Variants in AMPD3 observed in about 807,000 individuals in gnomAD.
The protein encoded by AMPD3 is AMP deaminase 3.
Under a neutral mutation model 82.3 loss-of-function variants are expected in AMPD3, and 57 were observed. The ratio of observed to expected loss-of-function variants is 0.69; its 90% CI spans 0.56 to 0.86. The LOEUF (loss-of-function observed/expected upper bound fraction) is 0.86. AMPD3 is among the 40% of genes least tolerant of loss of function. AMPD3 has a pLI of 0.00. For synonymous variants in AMPD3, 381 were observed against 394.7 expected (o/e 0.97, Z 0.41); for missense variants, 870 against 1,003.8 (o/e 0.87, Z 1.80).
intron 13 of AMPD3, chr11:10,504,103 T>G: frequency 1.1e-6 from 1 of 911,940 alleles, no homozygotes; most frequent in Non-Finnish European, 1.3e-6. Flanking sequence ...TCTCTGCTTT[T>G]AGTACTTTAC....
intron 3 of AMPD3, among the ~76,000 whole-genome samples, chr11:10,480,718 G>T (rs1196183615): frequency 6.6e-6 from 1 of 152,098 alleles, no homozygotes; most frequent in East Asian, 1.9e-4. Flanking sequence ...AGCTCTAGAA[G>T]GTAGGTTATA....
Position 10,505,707 on chromosome 11 carries a change from G to A in AMPD3, c.2128-1G>A. 1.2e-6 allele frequency: 2 copies of A among 1,613,426 alleles called. No homozygotes were observed. The highest frequency in any genetic ancestry group is 1.7e-6 in the Non-Finnish European group (2 of 1,180,020). On this transcript the variant is annotated splice_acceptor_variant, in intron 14 of 14. Coordinates refer to ENST00000396553, the MANE Select transcript of AMPD3 (RefSeq NM_001025389.2). LOFTEE classifies it high-confidence loss of function. ...TCATTTGTATTTCTCTTGGTCCACA[G>A]GAAAAGCAAAAGTTTCTGGGACAAA...
chr11:10,452,862 A>G (rs1365728238), upstream of AMPD3, among the ~76,000 whole-genome samples: 1 of 152,246 alleles, frequency 6.6e-6, no homozygotes, highest in Non-Finnish European at 1.5e-5. Context: ...AAACCGAGCC[A>G]CAGAAAAGTT....
chr11:10,465,747 C>T (rs940735942), intron 2 of AMPD3, among the ~76,000 whole-genome samples: 12 of 152,160 alleles, frequency 7.9e-5, no homozygotes, highest in African/African-American at 2.9e-4. Context: ...CTGGTGCCTA[C>T]ACCACCAGGG....
chr11:10,455,814 A>T, intron 1 of AMPD3: 1 of 744,850 alleles, frequency 1.3e-6, no homozygotes, highest in Non-Finnish European at 1.6e-6. Context: ...TGCCCTTGGG[A>T]GGGCTGCTTT....
chr11:10,479,155 G>T (rs1174047530), intron 3 of AMPD3, among the ~76,000 whole-genome samples: 1 of 152,120 alleles, frequency 6.6e-6, no homozygotes, highest in Admixed American at 6.5e-5. Flanking sequence ...TTATATGTAG[G>T]TTCAATACCC....
intron 6 of AMPD3, among the ~76,000 whole-genome samples, chr11:10,492,244 A>T (rs2133916022): frequency 1.3e-5 from 2 of 152,308 alleles, no homozygotes; most frequent in South Asian, 4.1e-4. Flanking sequence ...GTCTAAGCTG[A>T]CTGTTCATTT....
chr11:10,450,810 T>A (rs1465722563), upstream of AMPD3: 2 of 1,185,686 alleles, frequency 1.7e-6, no homozygotes, highest in African/African-American at 3.2e-5. Context: ...GCTTCCTCCC[T>A]GCTGAGGCGG....
chr11:10,466,894 C>T (rs917625641), intron 2 of AMPD3, among the ~76,000 whole-genome samples: 3 of 152,208 alleles, frequency 2.0e-5, no homozygotes, highest in Non-Finnish European at 4.4e-5. Flanking sequence ...TGACACCCAG[C>T]CAAACAGGGT....
At position 10,500,348 on chromosome 11, in the gene AMPD3, G is replaced by A. The variant is rs569760266; in HGVS notation, c.1721+99G>A. On this transcript the variant is annotated intron_variant, in intron 11 of 14. Coordinates refer to ENST00000396553, the MANE Select transcript of AMPD3 (RefSeq NM_001025389.2). ...ACACATGCATGTGATCCTTGTGTCC[G>A]TGTGCACCTGAACCAACATGCATGT... The A allele has an allele frequency of 4.4e-5, 65 of 1,471,914 alleles. No individual in the cohort carries two copies. The African/African-American group carries it at 5.0e-4, about 11-fold the overall frequency. 91.2% of individuals were successfully genotyped at this position (1,471,914 alleles called of 1,614,324 possible).
intron 12 of AMPD3, 151 bp downstream of exon 12, chr11:10,501,741 A>G (rs1232987166): frequency 2.0e-6 from 3 of 1,468,096 alleles, no homozygotes; most frequent in Admixed American, 2.6e-5. Flanking sequence ...TGAAAGTAAT[A>G]TAATCAAACT....
At chr11:10,451,027 C>G (rs776118631), upstream of AMPD3, 11 of 1,583,468 alleles carry the variant, frequency 6.9e-6, no homozygotes, top group Admixed American at 1.9e-4. Flanking sequence ...GCGGCATGGC[C>G]CTGTCGTCCG....
chr11:10,494,713 C>T (rs1455955783), intron 7 of AMPD3, 186 bp from the exon 8 acceptor site: 5 of 985,168 alleles, frequency 5.1e-6, no homozygotes, highest in Non-Finnish European at 6.0e-6. Context: ...CCAAAGGATC[C>T]CAAGCTGACC....
intron 2 of AMPD3, among the ~76,000 whole-genome samples, chr11:10,465,819 G>T (rs77410686): frequency 3.0e-5 from 4 of 132,132 alleles, no homozygotes; most frequent in Non-Finnish European, 6.5e-5. Flanking sequence ...AGCTGCAGGA[G>T]TTTTTTTTTT....
At position 10,478,575 on chromosome 11, in the gene AMPD3, C is replaced by T. The variant is rs201551496; in HGVS notation, c.271C>T (p.Pro91Ser). 3 of 1,614,212 alleles carry T rather than the reference C, an allele frequency of 1.9e-6. No individual in the cohort carries two copies. Among genetic ancestry groups the T allele is most frequent in the East Asian group, 4.5e-5 (2 of 44,882 alleles). Residue 91 changes from proline to serine, a missense_variant, in exon 3 of 15, where the codon CCG (proline) becomes TCG (serine). Coordinates refer to ENST00000396553, the MANE Select transcript of AMPD3 (RefSeq NM_001025389.2). Reference sequence around the variant, plus strand: ...GTCCCAGTCCCTGTCTCTGCAAATGCCGCCACAGCAAGATTGGAAGGGCCC... The same window carrying T: ...GTCCCAGTCCCTGTCTCTGCAAATGTCGCCACAGCAAGATTGGAAGGGCCC... ...IRSQSLSLQM[P>S]PQQDWKGPPA...
intron 3 of AMPD3, among the ~76,000 whole-genome samples, chr11:10,480,691 T>A (rs1848878188): frequency 6.6e-6 from 1 of 152,332 alleles, no homozygotes; most frequent in Middle Eastern, 3.4e-3. Context: ...GAAAGAATTA[T>A]GCTAAATATT....
upstream of AMPD3, among the ~76,000 whole-genome samples, chr11:10,453,569 T>C (rs1042944744): frequency 6.6e-6 from 1 of 151,938 alleles, no homozygotes; most frequent in Non-Finnish European, 1.5e-5. Flanking sequence ...AGGAGAGTGA[T>C]ATCTTTCTTT....
chr11:10,478,867 G>C (rs1293022843), intron 3 of AMPD3, 137 bp downstream of exon 3: 1 of 985,926 alleles, frequency 1.0e-6, no homozygotes, highest in Non-Finnish European at 1.6e-6. Context: ...AGGCACAGGA[G>C]ACAAGGAGGG....
At chr11:10,489,679 G>GTC (rs758975750) in intron 6 of AMPD3, among the ~76,000 whole-genome samples, 1 of 149,952 alleles carries the variant, frequency 6.7e-6, no homozygotes, top group African/African-American at 2.5e-5. Flanking sequence ...ATAGCACTCT[G>GTC]TCTCTCTTTT....
Sources: allele counts gnomAD v4.1 joint callset (sites outside exome capture counted in the v4.1 genomes callset), GRCh38; gene constraint gnomAD v4.1.1; transcripts MANE v1.5; gene names NCBI Gene and HGNC (gene_info 2026-07-23, HGNC 2026-07-21).